The following JMJD1C variants were observed in gnomAD, a reference collection of about 807,000 sequenced individuals.
JMJD1C encodes the protein jumonji domain-containing protein 1C.
JMJD1C carries 31 observed loss-of-function variants against 245.3 expected under a neutral mutation model. The ratio of observed to expected loss-of-function variants is 0.13; its 90% CI spans 0.09 to 0.17. JMJD1C has a LOEUF of 0.17. JMJD1C is among the 10% of genes least tolerant of loss of function. The pLI is 1.00. For synonymous variants in JMJD1C, 1,057 were observed against 1,017.4 expected (o/e 1.04, Z -0.74); for missense variants, 2,691 against 3,000.2 (o/e 0.90, Z 2.41).
At chr10:63,301,576 G>A (rs572416248) in intron 2 of JMJD1C, among the ~76,000 whole-genome samples, 8 of 152,204 alleles carry the variant, frequency 5.3e-5, no homozygotes, top group East Asian at 1.9e-4. Flanking sequence ...ACCAAACACC[G>A]CGTGTTTTCA....
chr10:63,431,255 C>T (rs1455882935), intron 1 of JMJD1C, among the ~76,000 whole-genome samples: 1 of 152,078 alleles, frequency 6.6e-6, no homozygotes, highest in Non-Finnish European at 1.5e-5. Context: ...TGGAGGGCAA[C>T]CATCTCATTC....
intron 3 of JMJD1C, among the ~76,000 whole-genome samples, chr10:63,258,611 C>T (rs750841438): frequency 2.1e-4 from 32 of 152,160 alleles, no homozygotes; most frequent in African/African-American, 3.6e-4. Flanking sequence ...CCATTACCAC[C>T]GCCACCACCA....
chr10:63,520,640 A>C (rs1955184412), intron 1 of JMJD1C, among the ~76,000 whole-genome samples: 1 of 152,206 alleles, frequency 6.6e-6, no homozygotes, highest in Non-Finnish European at 1.5e-5. Flanking sequence ...TGTAAATCTT[A>C]AGACAGGTCA....
chr10:63,390,106 G>T (rs1947934481), intron 1 of JMJD1C, among the ~76,000 whole-genome samples: 1 of 151,908 alleles, frequency 6.6e-6, no homozygotes, highest in South Asian at 2.1e-4. Flanking sequence ...ACTGTTTTTT[G>T]AAGAGATAAA....
At chr10:63,381,388 C>T (rs1278481265) in intron 1 of JMJD1C, among the ~76,000 whole-genome samples, 1 of 152,170 alleles carries the variant, frequency 6.6e-6, no homozygotes, top group Admixed American at 6.5e-5. Flanking sequence ...TGGCACATGC[C>T]TTTAGTCCCA....
At chr10:63,321,157 C>G (rs1224209315) in intron 2 of JMJD1C, among the ~76,000 whole-genome samples, 1 of 152,198 alleles carries the variant, frequency 6.6e-6, no homozygotes, top group East Asian at 1.9e-4. Context: ...CCTTCCAGAT[C>G]CCATCCCATG....
upstream of JMJD1C, among the ~76,000 whole-genome samples, chr10:63,470,672 G>A (rs1953461373): frequency 6.6e-6 from 1 of 152,138 alleles, no homozygotes; most frequent in Admixed American, 6.5e-5. Flanking sequence ...CATCCTTGAT[G>A]GAGCCAATAT....
intron 2 of JMJD1C, among the ~76,000 whole-genome samples, chr10:63,342,638 T>TG (rs2134237366): frequency 6.6e-6 from 1 of 152,368 alleles, no homozygotes; most frequent in African/African-American, 2.4e-5. Context: ...AATGCTACTG[T>TG]GCTGATTAGT....
intron 2 of JMJD1C, among the ~76,000 whole-genome samples, chr10:63,303,205 C>G (rs923100531): frequency 2.0e-5 from 3 of 152,220 alleles, no homozygotes; most frequent in Non-Finnish European, 4.4e-5. Flanking sequence ...GATCTTTCAA[C>G]TATTAACCTG....
Position 63,346,962 on chromosome 10 carries a change from G to A in JMJD1C, c.333+33356C>T, listed in dbSNP as rs866386367. 3.5e-4 allele frequency among the ~76,000 whole-genome samples: 53 copies of A among 151,820 alleles called. 1 individual carries two copies. Among genetic ancestry groups the A allele is most frequent in the South Asian group, 2.1e-4 (1 of 4,810 alleles). On this transcript the variant is annotated intron_variant, in intron 2 of 25. Transcript: ENST00000399262. Reference sequence around the variant, plus strand: ...AGGACTTAGGTCCCCCTACACCCCCGGCCCTCCATGATACATATTTTCACA... The same window carrying A: ...AGGACTTAGGTCCCCCTACACCCCCAGCCCTCCATGATACATATTTTCACA...
At chr10:63,179,414 AAAAAAAG>A (rs1412044000) in intron 22 of JMJD1C, among the ~76,000 whole-genome samples, 4 of 151,746 alleles carry the variant, frequency 2.6e-5, no homozygotes, top group African/African-American at 7.3e-5. Context: ...CATCTCAAAA[AAAAAAAG>A]AAAAAAGAAA....
At chr10:63,357,495 G>A (rs1944946592) in intron 2 of JMJD1C, among the ~76,000 whole-genome samples, 1 of 151,808 alleles carries the variant, frequency 6.6e-6, no homozygotes, top group Non-Finnish European at 1.5e-5. Context: ...TAGTAGAGAC[G>A]GGGTTTCACC....
At chr10:63,260,946 T>C (rs1226272823) in intron 3 of JMJD1C, among the ~76,000 whole-genome samples, 1 of 152,120 alleles carries the variant, frequency 6.6e-6, no homozygotes, top group Non-Finnish European at 1.5e-5. Context: ...TTCTCCTCCT[T>C]CTTCCCAGCT....
chr10:63,212,843 T>TTATAATTATTGCATAATTATAATTATG (rs1847523688), intron 8 of JMJD1C, among the ~76,000 whole-genome samples: 1 of 151,010 alleles, frequency 6.6e-6, no homozygotes, highest in Admixed American at 6.6e-5. Flanking sequence ...ATTATATATA[T>TTATAATTATTGCATAATTATAATTATG]TATAATTATT....
chr10:63,303,848 G>T (rs1860375977), intron 2 of JMJD1C, among the ~76,000 whole-genome samples: 1 of 151,972 alleles, frequency 6.6e-6, no homozygotes, highest in Non-Finnish European at 1.5e-5. Flanking sequence ...TGTTATCTTT[G>T]CCAAGCAAAA....
At chr10:63,188,342 C>CT (rs943749557) in intron 18 of JMJD1C, among the ~76,000 whole-genome samples, 1 of 152,086 alleles carries the variant, frequency 6.6e-6, no homozygotes, top group Non-Finnish European at 1.5e-5. Flanking sequence ...GTGTGCATTT[C>CT]TTTTTTTGGG....
intron 1 of JMJD1C, among the ~76,000 whole-genome samples, chr10:63,406,140 T>A (rs983146496): frequency 1.3e-5 from 2 of 152,174 alleles, no homozygotes; most frequent in Non-Finnish European, 2.9e-5. Context: ...CACCTCCTGC[T>A]TTGTATCCAT....
At chr10:63,345,680 G>A (rs1049436953) in intron 2 of JMJD1C, among the ~76,000 whole-genome samples, 1 of 152,056 alleles carries the variant, frequency 6.6e-6, no homozygotes, top group African/African-American at 2.4e-5. Context: ...CAACTACAAG[G>A]GGGCAGCACA....
intron 1 of JMJD1C, among the ~76,000 whole-genome samples, chr10:63,412,606 A>T (rs921758413): frequency 4.1e-4 from 62 of 152,354 alleles, no homozygotes; most frequent in African/African-American, 1.5e-3. Flanking sequence ...TTATGTAGTT[A>T]TGAGTTAATA....
Sources: allele counts gnomAD v4.1 joint callset (sites outside exome capture counted in the v4.1 genomes callset), GRCh38; gene constraint gnomAD v4.1.1; transcripts MANE v1.5; gene names NCBI Gene and HGNC (gene_info 2026-07-23, HGNC 2026-07-21).